RGS12: variants seen among roughly 807,000 people sequenced by gnomAD.
The protein encoded by RGS12 is regulator of G protein signaling 12.
In RGS12, 66 loss-of-function variants were observed where a neutral mutation model predicts 120.1. The observed-to-expected ratio is 0.55, with a 90% CI of 0.45 to 0.67. The LOEUF is 0.67. Among genes scored for constraint, RGS12 ranks in the 30% least tolerant of loss-of-function variants. RGS12 has a pLI of 0.00. For synonymous variants in RGS12, 827 were observed against 804.7 expected, an observed-to-expected ratio of 1.03 and a Z score of -0.47; for missense variants, 1,859 against 1,957.7, an observed-to-expected ratio of 0.95 and a Z score of 0.95.
intron 2 of RGS12, among the ~76,000 whole-genome samples, chr4:3,327,071 G>A (rs151034714): frequency 6.6e-6 from 1 of 152,202 alleles, no homozygotes; most frequent in African/African-American, 2.4e-5. Context: ...ATACAAGGCT[G>A]TAGTAACCAA....
chr4:3,415,078 CGCGTGTGTGAGGG>C (rs2109109811), intron 6 of RGS12, among the ~76,000 whole-genome samples: 1 of 86,120 alleles, frequency 1.2e-5, no homozygotes, highest in South Asian at 4.2e-4. Flanking sequence ...CGTGTGAGGT[CGCGTGTGTGAGGG>C]GCGTGTGAGA....
At chr4:3,301,851 C>T (rs533744375) in intron 1 of RGS12, among the ~76,000 whole-genome samples, 4 of 152,216 alleles carry the variant, frequency 2.6e-5, no homozygotes, top group Admixed American at 6.5e-5. Context: ...AGAACATGGA[C>T]GTTGGAATGA....
rs764403096 is a variant in RGS12, at chr4:3,316,726, A to G, written c.556A>G (p.Ile186Val). The G allele has an allele frequency of 8.1e-6, 13 of 1,614,136 alleles. No individual in the cohort carries two copies. The highest frequency in any genetic ancestry group is 4.5e-5 in the East Asian group (2 of 44,900). ...ATRFDVGHES[I>V]NNPNPNMLSK... ...TCGATTTGATGTTGGACATGAAAGT[A>G]TAAATAATCCAAATCCCAACATGCT... Residue 186 changes from isoleucine (I) to valine (V), a missense_variant, in exon 2 of 18, where the codon ATA (isoleucine) becomes GTA (valine). Around this residue, in one of 3 missense-constraint regions of RGS12, gnomAD observed 967 missense variants for 994.2 expected, o/e 0.97. Coordinates refer to ENST00000336727, the MANE Select transcript of RGS12 (RefSeq NM_001394154.1).
chr4:3,327,372 C>G (rs1197940823), intron 2 of RGS12, among the ~76,000 whole-genome samples: 1 of 152,142 alleles, frequency 6.6e-6, no homozygotes, highest in Non-Finnish European at 1.5e-5. Flanking sequence ...GGATGTTGGT[C>G]TAGGCAAATA....
At chr4:3,358,622 A>G (rs1231828914) in intron 3 of RGS12, among the ~76,000 whole-genome samples, 2 of 151,972 alleles carry the variant, frequency 1.3e-5, no homozygotes, top group East Asian at 3.8e-4. Flanking sequence ...AATGGGGTGT[A>G]TTACAATGAT....
chr4:3,369,279 A>G (rs1716717662), intron 3 of RGS12, among the ~76,000 whole-genome samples: 1 of 152,214 alleles, frequency 6.6e-6, no homozygotes, highest in African/African-American at 2.4e-5. Context: ...GCAAGCAGCC[A>G]TTGTGCATTT....
intron 17 of RGS12, among the ~76,000 whole-genome samples, chr4:3,437,391 C>A (rs1415185607): frequency 6.6e-6 from 1 of 152,186 alleles, no homozygotes; most frequent in Admixed American, 6.5e-5. Context: ...GGCTTCTGGA[C>A]ATGTGTGGTG....
rs1560183274 is a variant in RGS12, at chr4:3,433,933, GCTGT to G, written c.4114+2982_4114+2985del. On this transcript the variant is annotated intron_variant, in intron 17 of 17. Transcript: ENST00000336727. This position sits in a 1 kb window ranked among gnomAD's most constrained non-coding sequence, Gnocchi z 4.4. ...CCCAGTCTAATGGCCCTGAGCCTTA[GCTGT>G]CTGACACACACAACAGAGGCCTCAA... Among the ~76,000 whole-genome samples the G allele has an allele frequency of 6.6e-6, 1 of 152,220 alleles. No individual in the cohort carries two copies. The highest frequency in any genetic ancestry group is 1.5e-5 in the Non-Finnish European group (1 of 68,040).
Position 3,430,966 on chromosome 4 carries a change from G to C in RGS12, c.4114+11G>C, listed in dbSNP as rs1393647313. On this transcript the variant is annotated intron_variant, in intron 17 of 17. Coordinates refer to ENST00000336727, the MANE Select transcript of RGS12 (RefSeq NM_001394154.1). Reference sequence around the variant, plus strand: ...GACCTTCCAGACCAGGTACCTCCAGGTTCTGATCCCTCCACCTTGGCCCCG... The same window carrying C: ...GACCTTCCAGACCAGGTACCTCCAGCTTCTGATCCCTCCACCTTGGCCCCG... 1.3e-5 allele frequency: 21 copies of C among 1,611,468 alleles called. No homozygotes were observed. The highest frequency in any genetic ancestry group is 1.7e-4 in the Middle Eastern group (1 of 6,024).
intron 1 of RGS12, among the ~76,000 whole-genome samples, chr4:3,313,982 A>T (rs1032396935): frequency 1.3e-5 from 2 of 151,934 alleles, no homozygotes; most frequent in African/African-American, 2.4e-5. Context: ...TTATTTATTT[A>T]TTTTTTAATG....
At position 3,348,528 on chromosome 4, in the gene RGS12, G is replaced by A. The variant is rs768248597; in HGVS notation, c.1998+5475G>A. Among the ~76,000 whole-genome samples, 3 of 152,280 alleles carry A rather than the reference G, an allele frequency of 2.0e-5. No homozygotes were observed. In the East Asian group the frequency reaches 5.8e-4, roughly 29 times the overall value. On this transcript the variant is annotated intron_variant, in intron 3 of 17. Coordinates refer to ENST00000336727, the MANE Select transcript of RGS12 (RefSeq NM_001394154.1). ...AGGAAGAGGGTGTCCAGTATTACGAGTGCGCACCGTATTATAGAGGAATGT... is the reference window on the plus strand; with the variant it reads ...AGGAAGAGGGTGTCCAGTATTACGAATGCGCACCGTATTATAGAGGAATGT...
chr4:3,416,537 A>T (rs1722420597), intron 7 of RGS12, among the ~76,000 whole-genome samples: 1 of 152,226 alleles, frequency 6.6e-6, no homozygotes, highest in Non-Finnish European at 1.5e-5. Flanking sequence ...CACGTGGGTC[A>T]CGTTCACAGA....
chr4:3,414,636 A>C, intron 5 of RGS12, 116 bp from the exon 6 acceptor site: 1 of 760,876 alleles, frequency 1.3e-6, no homozygotes, highest in South Asian at 1.6e-5. Context: ...TTCTCTCTCC[A>C]GGCCCTCGGG....
intron 3 of RGS12, among the ~76,000 whole-genome samples, chr4:3,362,679 G>A (rs78681866): frequency 7.5e-6 from 1 of 133,564 alleles, no homozygotes; most frequent in African/African-American, 3.0e-5. Flanking sequence ...GAGTGTGAGG[G>A]TGAGGGTGTG....
chr4:3,309,588 TGTTGAGGAGGA>T (rs1449371968), intron 1 of RGS12, among the ~76,000 whole-genome samples: 24 of 103,708 alleles, frequency 2.3e-4, no homozygotes, highest in Admixed American at 6.1e-4. Flanking sequence ...AGGGGAACTG[TGTTGAGGAGGA>T]GCTGGGACCT....
chr4:3,301,712 C>A (rs1308981093), intron 1 of RGS12, among the ~76,000 whole-genome samples: 1 of 151,814 alleles, frequency 6.6e-6, no homozygotes, highest in African/African-American at 2.4e-5. Flanking sequence ...CCTTTCCTGT[C>A]CTTTACCTGC....
intron 6 of RGS12, 131 bp downstream of exon 6, chr4:3,414,975 G>A (rs532256470): frequency 1.2e-4 from 78 of 638,036 alleles, no homozygotes; most frequent in African/African-American, 1.0e-3. Flanking sequence ...TGAGAGGGGC[G>A]TGTGAGAGGT....
intron 9 of RGS12, chr4:3,419,605 C>G (rs948759049): frequency 2.0e-5 from 3 of 151,578 alleles, no homozygotes; most frequent in Non-Finnish European, 4.4e-5. Flanking sequence ...TCGTTTGAGT[C>G]TAGGAGTTCA....
intron 1 of RGS12, among the ~76,000 whole-genome samples, chr4:3,295,733 G>T (rs1723346950): frequency 6.6e-6 from 1 of 151,660 alleles, no homozygotes; most frequent in Admixed American, 6.6e-5. Flanking sequence ...CAAAAAGCAG[G>T]CTGAAGGAAT....
Sources: gnomAD v4.1 joint callset for allele counts (sites outside exome capture counted in the v4.1 genomes callset) on GRCh38, gnomAD v4.1.1 for gene constraint, gnomAD v4.1.1 regional missense constraint, Gnocchi (gnomAD v3.1) non-coding constraint, MANE v1.5 for transcripts, NCBI Gene and HGNC (gene_info 2026-07-23, HGNC 2026-07-21) for gene names.